VAT1L: variants seen among roughly 807,000 people sequenced by gnomAD.
VAT1L encodes vesicle amine transport 1 like.
VAT1L carries 34 observed loss-of-function variants against 44.1 expected under a neutral mutation model. That is an observed-to-expected ratio of 0.77 (90% CI 0.59 to 1.03). The LOEUF is 1.03. Ranked by LOEUF, VAT1L falls within the 50% of genes least tolerant of loss-of-function variation. The pLI, the probability that VAT1L is intolerant of heterozygous loss-of-function variation, is 0.00. For synonymous variants in VAT1L, 253 were observed against 202.2 expected (o/e 1.25, Z -2.13); for missense variants, 615 against 538.8 (o/e 1.14, Z -1.40).
chr16:77,904,674 G>T, intron 7 of VAT1L, among the ~76,000 whole-genome samples: 1 of 152,154 alleles, frequency 6.6e-6, no homozygotes, highest in Non-Finnish European at 1.5e-5. Flanking sequence ...GAGAACAATC[G>T]TTCAATCTAT....
At chr16:77,795,296 T>G (rs1340347409) in intron 1 of VAT1L, among the ~76,000 whole-genome samples, 4 of 150,578 alleles carry the variant, frequency 2.7e-5, no homozygotes, top group Admixed American at 6.6e-5. Context: ...GGGGAAAGAT[T>G]GAGAAATTAA....
chr16:77,822,606 C>A (rs2016469446), intron 2 of VAT1L, among the ~76,000 whole-genome samples: 2 of 152,236 alleles, frequency 1.3e-5, no homozygotes, highest in Admixed American at 6.5e-5. Flanking sequence ...AAGGACCTCT[C>A]CCTCTCCAGC....
chr16:77,790,011 A>G lies in VAT1L; in HGVS notation c.233+1096A>G, dbSNP rs919273380. 3.9e-5 allele frequency among the ~76,000 whole-genome samples: 6 copies of G among 152,162 alleles called. No homozygotes were observed. In the East Asian group the frequency reaches 9.6e-4, roughly 24 times the overall value. On this transcript the variant is annotated intron_variant, in intron 1 of 8. Coordinates refer to ENST00000302536, the MANE Select transcript of VAT1L (RefSeq NM_020927.3). Reference sequence around the variant, plus strand: ...TCCCATCTGTTTTCTAGAGCCCCCCAGTACATACTGCTCTCCAAAGCAGCA... The same window carrying G: ...TCCCATCTGTTTTCTAGAGCCCCCCGGTACATACTGCTCTCCAAAGCAGCA...
At chr16:77,916,168 C>A (rs1412736050) in intron 7 of VAT1L, among the ~76,000 whole-genome samples, 2 of 152,130 alleles carry the variant, frequency 1.3e-5, no homozygotes, top group East Asian at 3.9e-4. Flanking sequence ...GGGCCAAGGG[C>A]AGGGAAATCA....
chr16:77,876,566 G>T (rs994304087), intron 5 of VAT1L, 93 bp downstream of exon 5: 2 of 1,102,132 alleles, frequency 1.8e-6, no homozygotes, highest in Non-Finnish European at 1.4e-6. Flanking sequence ...GTGCTGATAT[G>T]TTGGGGTAGT....
At chr16:77,954,266 T>C (rs1567520930) in intron 7 of VAT1L, among the ~76,000 whole-genome samples, 1 of 152,196 alleles carries the variant, frequency 6.6e-6, no homozygotes, top group African/African-American at 2.4e-5. Context: ...CACGGCTATC[T>C]GCTGCTTTCC....
chr16:77,972,320 T>C (rs2018288144), intron 8 of VAT1L, among the ~76,000 whole-genome samples: 1 of 151,854 alleles, frequency 6.6e-6, no homozygotes, highest in Non-Finnish European at 1.5e-5. Flanking sequence ...ACAGATTTTT[T>C]TTTTCTTTCT....
At chr16:77,830,299 A>T (rs145977840) in intron 3 of VAT1L, among the ~76,000 whole-genome samples, 1 of 152,124 alleles carries the variant, frequency 6.6e-6, no homozygotes, top group Non-Finnish European at 1.5e-5. Flanking sequence ...CCCAATTCAG[A>T]TGTAAGCTCC....
intron 7 of VAT1L, among the ~76,000 whole-genome samples, chr16:77,931,111 C>A (rs908208968): frequency 1.3e-5 from 2 of 152,146 alleles, no homozygotes; most frequent in Non-Finnish European, 2.9e-5. Flanking sequence ...TTATTCTACT[C>A]CACAGCCAAT....
At chr16:77,869,139 A>T (rs2017004741) in intron 4 of VAT1L, among the ~76,000 whole-genome samples, 1 of 152,188 alleles carries the variant, frequency 6.6e-6, no homozygotes, top group Non-Finnish European at 1.5e-5. Flanking sequence ...GAGTAGCAGA[A>T]GGGGGAAGGG....
intron 7 of VAT1L, among the ~76,000 whole-genome samples, chr16:77,942,213 A>G (rs1362180991): frequency 5.9e-5 from 9 of 152,204 alleles, no homozygotes; most frequent in Admixed American, 5.2e-4. Flanking sequence ...CATGTCTTAC[A>G]TGGTGGCAGG....
At chr16:77,890,923 A>G (rs1296423427) in intron 7 of VAT1L, among the ~76,000 whole-genome samples, 18 of 276 alleles carry the variant, frequency 0.065, no homozygotes, top group African/African-American at 0.1. Context: ...GACCCTGTCG[A>G]AAAAAAAAAA....
intron 4 of VAT1L, among the ~76,000 whole-genome samples, chr16:77,876,099 A>C (rs1019339796): frequency 6.6e-6 from 1 of 152,148 alleles, no homozygotes; most frequent in Admixed American, 6.6e-5. Flanking sequence ...ACTCAGACCC[A>C]CTGACCCCAA....
At chr16:77,882,477 A>T (rs555709021) in intron 6 of VAT1L, 4 of 152,220 alleles carry the variant, frequency 2.6e-5, no homozygotes, top group Non-Finnish European at 4.4e-5. Flanking sequence ...TTTATAGAGC[A>T]CCTCATGCGT....
intron 7 of VAT1L, among the ~76,000 whole-genome samples, chr16:77,929,779 C>G (rs1412998920): frequency 2.6e-5 from 4 of 152,148 alleles, no homozygotes; most frequent in Non-Finnish European, 5.9e-5. Flanking sequence ...ACAGGTTAAG[C>G]AAACTGTCCG....
At chr16:77,945,606 G>A (rs1465006603) in intron 7 of VAT1L, among the ~76,000 whole-genome samples, 1 of 151,618 alleles carries the variant, frequency 6.6e-6, no homozygotes, top group Non-Finnish European at 1.5e-5. Flanking sequence ...TTTTTCAATT[G>A]TTATTTTCTC....
chr16:77,942,698 G>C (rs1477585243), intron 7 of VAT1L, among the ~76,000 whole-genome samples: 2 of 152,134 alleles, frequency 1.3e-5, no homozygotes, highest in Admixed American at 6.5e-5. Flanking sequence ...GCAGTGGTTT[G>C]AATTCAGTAA....
intron 3 of VAT1L, among the ~76,000 whole-genome samples, chr16:77,840,548 A>G (rs888983735): frequency 6.6e-6 from 1 of 152,208 alleles, no homozygotes; most frequent in Non-Finnish European, 1.5e-5. Flanking sequence ...TTTTGTATCC[A>G]TAAAATCTGT....
chr16:77,803,774 A>G (rs2016107954), intron 1 of VAT1L, among the ~76,000 whole-genome samples: 1 of 152,152 alleles, frequency 6.6e-6, no homozygotes, highest in Admixed American at 6.5e-5. Context: ...CGTTGTAGGA[A>G]AAATGGACTA....
Sources: allele counts gnomAD v4.1 joint callset (sites outside exome capture counted in the v4.1 genomes callset), GRCh38; gene constraint gnomAD v4.1.1; transcripts MANE v1.5; gene names NCBI Gene and HGNC (gene_info 2026-07-23, HGNC 2026-07-21).